Variants in SERF2 observed in about 807,000 individuals in gnomAD.
SERF2 encodes the protein gastric cancer-related protein VRG107.
A neutral mutation model predicts 10.7 loss-of-function variants in SERF2; 4 were observed. The ratio of observed to expected loss-of-function variants is 0.37; its 90% CI spans 0.18 to 0.86. The LOEUF (loss-of-function observed/expected upper bound fraction) is 0.86, where lower values mean the gene tolerates loss of function less well. Ranked by LOEUF, SERF2 falls within the 40% of genes least tolerant of loss-of-function variation. SERF2 has a pLI of 0.43. For synonymous variants in SERF2, 26 were observed against 26.0 expected (o/e 1.00, Z 0.01); for missense variants, 47 against 79.1 (o/e 0.59, Z 1.54).
At position 43,794,837 on chromosome 15, in the gene SERF2, ATTAGACTGTGTTTGACCAC is replaced by A; in HGVS notation, c.*1067_*1085del. 3 of 623,200 alleles carry A rather than the reference ATTAGACTGTGTTTGACCAC, an allele frequency of 4.8e-6. No homozygotes were observed. The South Asian group carries it at 5.9e-5, about 12-fold the overall frequency. The allele number at this position is 623,200 out of a possible 1,614,324, so 38.6% of individuals were successfully genotyped here. A position where few individuals can be genotyped will look rare whatever the true frequency, so the allele number is the denominator to read the frequency against. On this transcript the variant is annotated 3_prime_UTR_variant, in exon 3 of 3. Transcript: ENST00000249786. ...GTGAGTCAGACACTCTGCCCAGCAC[ATTAGACTGTGTTTGACCAC>A]TTCTTCCAGTTCATAGTATTGACTT... is the stretch of plus-strand genomic sequence containing the variant.
At chr15:43,789,719 A>C (rs1360243632), upstream of SERF2, among the ~76,000 whole-genome samples, 3 of 152,082 alleles carry the variant, frequency 2.0e-5, no homozygotes, top group African/African-American at 7.2e-5. Flanking sequence ...ATCAGTTTTC[A>C]TATATAGGCT....
chr15:43,792,952 C>T (rs1329850228), intron 1 of SERF2, 23 bp from the exon 2 acceptor site: 15 of 1,561,602 alleles, frequency 9.6e-6, no homozygotes, highest in South Asian at 3.4e-5. Flanking sequence ...CCCCGCGTCT[C>T]ACCTTTAATT....
intron 1 of SERF2, among the ~76,000 whole-genome samples, chr15:43,782,251 C>T (rs569598320): frequency 4.9e-4 from 75 of 152,282 alleles, no homozygotes; most frequent in African/African-American, 1.8e-3. Flanking sequence ...CATGTACTTT[C>T]TCTCTCCATC....
rs773900330 is a variant in SERF2 at position 43,793,833 on chromosome 15, C to T, written c.*60C>T. The T allele has an allele frequency of 2.5e-6, 4 of 1,613,858 alleles. No homozygotes were observed. In the African/African-American group the frequency reaches 5.3e-5, roughly 22 times the overall value. ...GCCTGTGTGCCTGGAGCCAGTCCCACCACGCTCGCGTTTCCTCCTGTAGTG... is the reference window on the plus strand; with the variant it reads ...GCCTGTGTGCCTGGAGCCAGTCCCATCACGCTCGCGTTTCCTCCTGTAGTG... On this transcript the variant is annotated 3_prime_UTR_variant, in exon 3 of 3. Coordinates refer to ENST00000249786, the MANE Select transcript of SERF2 (RefSeq NM_001018108.4).
chr15:43,792,286 A>G, upstream of SERF2: 1 of 1,140,668 alleles, frequency 8.8e-7, no homozygotes, highest in South Asian at 1.2e-5. Flanking sequence ...GAAAGGAACG[A>G]CTGTGCTACG....
In SERF2 at chr15:43,795,385, T is replaced by TA. The variant is rs777047886; in HGVS notation, c.*1613dup. 1.9e-6 allele frequency: 3 copies of TA among 1,614,192 alleles called. No homozygotes were observed. ...AGAGTATCTAAGGCCCACTCCATCT[T>TA]ACCTGAACCAGTTGGTAAGGGTAAC... On this transcript the variant is annotated 3_prime_UTR_variant, in exon 3 of 3. Transcript: ENST00000249786.
chr15:43,789,331 C>A (rs1345698572), upstream of SERF2, among the ~76,000 whole-genome samples: 5 of 152,144 alleles, frequency 3.3e-5, no homozygotes, highest in Non-Finnish European at 7.4e-5. Flanking sequence ...ACACAATAAT[C>A]CTGTGGCTCT....
In SERF2 at chr15:43,794,814, G is replaced by A; in HGVS notation, c.*1041G>A. The A allele has an allele frequency of 1.8e-6, 1 of 568,992 alleles. No homozygotes were observed. 35.2% of individuals were successfully genotyped at this position (568,992 alleles called of 1,614,324 possible). A position where few individuals can be genotyped will look rare whatever the true frequency, so the allele number is the denominator to read the frequency against. On this transcript the variant is annotated 3_prime_UTR_variant, in exon 3 of 3. Transcript: ENST00000249786. ...ATGCAGATGTAACAGTAGCTCCAGT[G>A]AGTCAGACACTCTGCCCAGCACATT...
In SERF2 at chr15:43,795,751, G is replaced by A. The variant is rs956092153; in HGVS notation, c.*1978G>A. The stretch of plus-strand genomic sequence containing the variant: ...AGTGAGGGCTTCTGCAAAACAGAAC[G>A]CAGGTTTTGGAATGGTCTTAAAAGA... On this transcript the variant is annotated 3_prime_UTR_variant, in exon 3 of 3. Coordinates refer to ENST00000249786, the MANE Select transcript of SERF2 (RefSeq NM_001018108.4). 26 of 1,612,496 alleles carry A rather than the reference G, an allele frequency of 1.6e-5. No homozygotes were observed. Among genetic ancestry groups the A allele is most frequent in the African/African-American group, 2.7e-5 (2 of 74,864 alleles).
chr15:43,792,799 C>T (rs915053807), intron 1 of SERF2, 176 bp from the exon 2 acceptor site: 9 of 679,266 alleles, frequency 1.3e-5, no homozygotes, highest in Admixed American at 2.9e-5. Flanking sequence ...TGACCTGGCC[C>T]GTGGCAGATT....
At chr15:43,791,483 C>T (rs542767623), upstream of SERF2, among the ~76,000 whole-genome samples, 1 of 152,244 alleles carries the variant, frequency 6.6e-6, no homozygotes, top group Non-Finnish European at 1.5e-5. Context: ...GATCTGCCCA[C>T]CTCAGCCTCC....
chr15:43,782,149 A>T (rs1242461312), intron 1 of SERF2, among the ~76,000 whole-genome samples: 1 of 151,856 alleles, frequency 6.6e-6, no homozygotes, highest in Non-Finnish European at 1.5e-5. Flanking sequence ...TTGGCCTCCC[A>T]TAGTGCTAGG....
chr15:43,792,320 A>C lies in SERF2; in HGVS notation c.-57A>C. 1 of 1,452,114 alleles carries C rather than the reference A, an allele frequency of 6.9e-7. No individual in the cohort carries two copies. Among genetic ancestry groups the C allele is most frequent in the Non-Finnish European group, 9.7e-7 (1 of 1,032,292 alleles). The allele number at this position is 1,452,114 out of a possible 1,614,324, so 90.0% of individuals were successfully genotyped here. ...CGTTGCCAGAAGGGGCGGGACCTGC[A>C]ACGTCCGACAGAACGAGGGGACGTA... is the stretch of plus-strand genomic sequence containing the variant. On this transcript the variant is annotated 5_prime_UTR_variant, in exon 1 of 3. Coordinates refer to ENST00000249786, the MANE Select transcript of SERF2 (RefSeq NM_001018108.4).
chr15:43,792,818 C>T, intron 1 of SERF2, 157 bp from the exon 2 acceptor site: 1 of 679,906 alleles, frequency 1.5e-6, no homozygotes. Context: ...TTCGCCACTC[C>T]CCCCTACCCC....
intron 1 of SERF2, among the ~76,000 whole-genome samples, chr15:43,778,496 G>A (rs1469951530): frequency 3.0e-5 from 4 of 133,668 alleles, no homozygotes; most frequent in Non-Finnish European, 4.6e-5. Flanking sequence ...CCATGTTTTC[G>A]CCACTGAACT....
chr15:43,787,873 G>GT (rs76113372), upstream of SERF2, among the ~76,000 whole-genome samples: 1,876 of 118,196 alleles, frequency 0.016, 29 homozygotes, highest in African/African-American at 0.018. Flanking sequence ...TAGATTTTTA[G>GT]TTTTTTTTTT....
Position 43,795,889 on chromosome 15 carries a change from A to C in SERF2, c.*2116A>C. On this transcript the variant is annotated 3_prime_UTR_variant, in exon 3 of 3. Transcript: ENST00000249786. ...CTCCAGCATATAAGTGGCTGTGCAGACTTTGGTAAGATGTTTAATCTTTTG... is the reference window on the plus strand; with the variant it reads ...CTCCAGCATATAAGTGGCTGTGCAGCCTTTGGTAAGATGTTTAATCTTTTG... 1 of 742,816 alleles carries C rather than the reference A, an allele frequency of 1.3e-6. No homozygotes were observed. Among genetic ancestry groups the C allele is most frequent in the Non-Finnish European group, 2.2e-6 (1 of 460,506 alleles). 46.0% of individuals were successfully genotyped at this position (742,816 alleles called of 1,614,324 possible).
At chr15:43,792,805 A>G in intron 1 of SERF2, 170 bp from the exon 2 acceptor site, 1 of 674,644 alleles carries the variant, frequency 1.5e-6, no homozygotes, top group Non-Finnish European at 2.5e-6. Flanking sequence ...GGCCCGTGGC[A>G]GATTCGCCAC....
Position 43,793,052 on chromosome 15 carries a change from G to A in SERF2, c.85G>A (p.Asp29Asn). 1 of 1,612,956 alleles carries A rather than the reference G, an allele frequency of 6.2e-7. No individual in the cohort carries two copies. Reference sequence around the variant, plus strand: ...CTCGGTTAAGGGAAAGCGCCGAGATGACGGGCTTTCTGCTGCCGCCCGCAA... The same window carrying A: ...CTCGGTTAAGGGAAAGCGCCGAGATAACGGGCTTTCTGCTGCCGCCCGCAA... ...SDSVKGKRRD[D>N]GLSAAARKQR... Residue 29 changes from aspartate to asparagine, a missense_variant, in exon 2 of 3, where the codon GAC (aspartate) becomes AAC (asparagine). Transcript: ENST00000249786.
Sources: allele counts gnomAD v4.1 joint callset (sites outside exome capture counted in the v4.1 genomes callset), GRCh38; gene constraint gnomAD v4.1.1; transcripts MANE v1.5; gene names NCBI Gene and HGNC (gene_info 2026-07-23, HGNC 2026-07-21).